The following GRID2IP variants were observed in gnomAD, a reference collection of about 807,000 sequenced individuals.
GRID2IP encodes the protein delphilin.
A neutral mutation model predicts 114.3 loss-of-function variants in GRID2IP; 78 were observed. The observed-to-expected ratio is 0.68, with a 90% confidence interval of 0.57 to 0.82. The LOEUF (loss-of-function observed/expected upper bound fraction) is 0.82. Ranked by LOEUF, GRID2IP falls within the 40% of genes least tolerant of loss-of-function variation. The probability of loss-of-function intolerance (pLI) is 0.00; values close to 1 mark genes in which losing one functional copy is unlikely to be tolerated. For synonymous variants in GRID2IP, 809 were observed against 724.0 expected (o/e 1.12, Z -1.89); for missense variants, 1,727 against 1,678.5 (o/e 1.03, Z -0.51).
In GRID2IP at chr7:6,526,512, C is replaced by G; in HGVS notation, c.833+9G>C. ...GCGCCCGCTGCCAGTGCCTGTGAGC[C>G]CCGCGTACCTGCGCGCGCCCCCGGG... On this transcript the variant is annotated intron_variant, in intron 3 of 21. Coordinates refer to ENST00000457091, the MANE Select transcript of GRID2IP (RefSeq NM_001145118.2). The surrounding 1 kb of genome is among the most constrained non-coding windows in gnomAD (Gnocchi z 7.6). 1 of 1,270,274 alleles carries G rather than the reference C, an allele frequency of 7.9e-7. No homozygotes were observed. The highest frequency in any genetic ancestry group is 9.9e-7 in the Non-Finnish European group (1 of 1,009,782). The allele number at this position is 1,270,274 out of a possible 1,614,324, so 78.7% of individuals were successfully genotyped here. A position where few individuals can be genotyped will look rare whatever the true frequency, so the allele number is the denominator to read the frequency against.
At chr7:6,537,908 G>A (rs1344056368) in intron 2 of GRID2IP, among the ~76,000 whole-genome samples, 4 of 152,034 alleles carry the variant, frequency 2.6e-5, no homozygotes, top group African/African-American at 9.7e-5. Flanking sequence ...GACCCTGCTC[G>A]TGGTCCTGTG....
chr7:6,531,775 T>A (rs1360189890), intron 2 of GRID2IP, among the ~76,000 whole-genome samples: 1 of 152,138 alleles, frequency 6.6e-6, no homozygotes, highest in Non-Finnish European at 1.5e-5. Context: ...GTTTCATGGT[T>A]CCAGGAGAGG....
chr7:6,544,955 C>T (rs1007181870), intron 1 of GRID2IP, among the ~76,000 whole-genome samples: 3 of 151,994 alleles, frequency 2.0e-5, no homozygotes, highest in African/African-American at 7.2e-5. Flanking sequence ...GGCGTGATGG[C>T]GGGCGCCTGT....
chr7:6,526,961 C>T lies in GRID2IP; in HGVS notation c.585-192G>A, dbSNP rs1411360808. 6.6e-6 allele frequency among the ~76,000 whole-genome samples: 1 copy of T among 152,172 alleles called. No homozygotes were observed. The highest frequency in any genetic ancestry group is 6.5e-5 in the Admixed American group (1 of 15,280). ...CTCCCCCTCGCTGCTCGGATTTGCGCCCCCAGCTAGGACTTGGCGTCCTGC... is the reference window on the plus strand; with the variant it reads ...CTCCCCCTCGCTGCTCGGATTTGCGTCCCCAGCTAGGACTTGGCGTCCTGC... On this transcript the variant is annotated intron_variant, in intron 2 of 21. Coordinates refer to ENST00000457091, the MANE Select transcript of GRID2IP (RefSeq NM_001145118.2). This position sits in a 1 kb window ranked among gnomAD's most constrained non-coding sequence, Gnocchi z 7.6.
At position 6,520,355 on chromosome 7, in the gene GRID2IP, C is replaced by G. The variant is rs964217573; in HGVS notation, c.1268+223G>C. Among the ~76,000 whole-genome samples, 6 of 152,096 alleles carry G rather than the reference C, an allele frequency of 3.9e-5. No homozygotes were observed. The highest frequency in any genetic ancestry group is 1.4e-4 in the African/African-American group (6 of 41,420). ...CCTCACTTCACAGAGAAGGCTGAGACTCGCCCAAGGTCACGTGACTAGGAG... is the reference window on the plus strand; with the variant it reads ...CCTCACTTCACAGAGAAGGCTGAGAGTCGCCCAAGGTCACGTGACTAGGAG... On this transcript the variant is annotated intron_variant, in intron 7 of 21. Transcript: ENST00000457091. This position sits in a 1 kb window ranked among gnomAD's most constrained non-coding sequence, Gnocchi z 4.6.
intron 7 of GRID2IP, among the ~76,000 whole-genome samples, chr7:6,514,780 C>A (rs1212410383): frequency 1.3e-5 from 2 of 151,710 alleles, no homozygotes; most frequent in African/African-American, 2.4e-5. Flanking sequence ...GGTGAAAGGC[C>A]GTCTCTACTG....
At chr7:6,515,286 AC>A (rs1357670319) in intron 7 of GRID2IP, among the ~76,000 whole-genome samples, 1 of 151,288 alleles carries the variant, frequency 6.6e-6, no homozygotes, top group African/African-American at 2.4e-5. Context: ...ACATAGTGAA[AC>A]CCCCTCTCTA....
Position 6,498,129 on chromosome 7 carries a change from C to A in GRID2IP, c.3499G>T (p.Asp1167Tyr). The A allele has an allele frequency of 1.3e-6, 2 of 1,551,700 alleles. No individual in the cohort carries two copies. Among genetic ancestry groups the A allele is most frequent in the Non-Finnish European group, 1.7e-6 (2 of 1,146,968 alleles). The change falls in exon 21 of 22, where the codon GAT becomes TAT. Residue 1167 changes from aspartate to tyrosine, a missense_variant. Asp to Tyr is a radical substitution (Grantham distance 160). Coordinates refer to ENST00000457091, the MANE Select transcript of GRID2IP (RefSeq NM_001145118.2). The stretch of plus-strand genomic sequence containing the variant: ...GCCTCAGAGGTGGTGGCCTTGGAAT[C>A]CTCCCCAAAGAAGGCCAGCGCCTTG... ...LGKALAFFGE[D>Y]SKATTSEAFF...
At chr7:6,514,842 C>A (rs1262573129) in intron 7 of GRID2IP, among the ~76,000 whole-genome samples, 1 of 151,612 alleles carries the variant, frequency 6.6e-6, no homozygotes, top group African/African-American at 2.4e-5. Context: ...ATCCCAGCTA[C>A]TCGGGAGGCT....
Position 6,544,909 on chromosome 7 carries a change from G to A in GRID2IP, c.430-5037C>T, listed in dbSNP as rs954917443. On this transcript the variant is annotated intron_variant, in intron 1 of 21. Transcript: ENST00000457091. The stretch of plus-strand genomic sequence containing the variant: ...ATCCCAACTGACACGGTGAAACCCC[G>A]TCTCTACTAAAAATAGAAAAAAAAT... 1.2e-4 allele frequency among the ~76,000 whole-genome samples: 18 copies of A among 151,812 alleles called. No homozygotes were observed. In the East Asian group the frequency reaches 1.8e-3, roughly 15 times the overall value.
At chr7:6,510,469 G>A in intron 10 of GRID2IP, 69 bp from the exon 11 acceptor site, 1 of 1,355,880 alleles carries the variant, frequency 7.4e-7, no homozygotes. Flanking sequence ...GTCCAGGCCT[G>A]GGTGGGCCGG....
Position 6,526,792 on chromosome 7 carries a change from C to T in GRID2IP, c.585-23G>A. On this transcript the variant is annotated intron_variant, in intron 2 of 21. Transcript: ENST00000457091. This position sits in a 1 kb window ranked among gnomAD's most constrained non-coding sequence, Gnocchi z 7.6. Reference sequence around the variant, plus strand: ...ATCCTGCCGGCGAGGACGGCGGAGTCGGGGCGCGTTCCCGGACCCCGGATC... The same window carrying T: ...ATCCTGCCGGCGAGGACGGCGGAGTTGGGGCGCGTTCCCGGACCCCGGATC... 2 of 1,489,466 alleles carry T rather than the reference C, an allele frequency of 1.3e-6. No homozygotes were observed. The highest frequency in any genetic ancestry group is 1.2e-5 in the South Asian group (1 of 80,252). The allele number at this position is 1,489,466 out of a possible 1,614,324, so 92.3% of individuals were successfully genotyped here.
In GRID2IP at chr7:6,508,492, G is replaced by A. The variant is rs1786663522; in HGVS notation, c.2128-91C>T. 6.5e-7 allele frequency: 1 copy of A among 1,528,856 alleles called. No homozygotes were observed. The highest frequency in any genetic ancestry group is 1.4e-5 in the African/African-American group (1 of 72,778). 94.7% of individuals were successfully genotyped at this position (1,528,856 alleles called of 1,614,324 possible). On this transcript the variant is annotated intron_variant, in intron 12 of 21. Coordinates refer to ENST00000457091, the MANE Select transcript of GRID2IP (RefSeq NM_001145118.2). This position sits in a 1 kb window ranked among gnomAD's most constrained non-coding sequence, Gnocchi z 5.6. ...AGTGAAGGATCATGGGATAGCCTGGGACAAGGACAGGGCCATCTCACGGGT... is the reference window on the plus strand; with the variant it reads ...AGTGAAGGATCATGGGATAGCCTGGAACAAGGACAGGGCCATCTCACGGGT...
intron 2 of GRID2IP, among the ~76,000 whole-genome samples, chr7:6,537,792 G>C (rs761353538): frequency 6.6e-6 from 1 of 152,106 alleles, no homozygotes; most frequent in Non-Finnish European, 1.5e-5. Flanking sequence ...AGATGTTGCA[G>C]TAAGCCAAGA....
Position 6,536,049 on chromosome 7 carries a change from G to C in GRID2IP, c.584+3669C>G, listed in dbSNP as rs1430600755. On this transcript the variant is annotated intron_variant, in intron 2 of 21. Transcript: ENST00000457091. The surrounding 1 kb of genome is among the most constrained non-coding windows in gnomAD (Gnocchi z 5.3). ...AACCCTGGGAATCACAGCTGCGTCT[G>C]TGGCTTCTCCATGCCCCCTCTGACC... Among the ~76,000 whole-genome samples the C allele has an allele frequency of 2.0e-5, 3 of 152,206 alleles. No individual in the cohort carries two copies. Among genetic ancestry groups the C allele is most frequent in the South Asian group, 2.1e-4 (1 of 4,834 alleles).
At chr7:6,522,087 C>A (rs1478472961) in intron 4 of GRID2IP, 130 bp from the exon 5 acceptor site, 2 of 688,952 alleles carry the variant, frequency 2.9e-6, no homozygotes, top group Non-Finnish European at 5.0e-6. Flanking sequence ...TGGTGGCTCA[C>A]ACCTGTAACC....
Position 6,519,118 on chromosome 7 carries a change from T to C in GRID2IP, c.1268+1460A>G, listed in dbSNP as rs1429316683. Among the ~76,000 whole-genome samples the C allele has an allele frequency of 6.6e-6, 1 of 151,982 alleles. No homozygotes were observed. The highest frequency in any genetic ancestry group is 1.5e-5 in the Non-Finnish European group (1 of 67,986). On this transcript the variant is annotated intron_variant, in intron 7 of 21. Coordinates refer to ENST00000457091, the MANE Select transcript of GRID2IP (RefSeq NM_001145118.2). The surrounding 1 kb of genome is among the most constrained non-coding windows in gnomAD (Gnocchi z 4.1). The stretch of plus-strand genomic sequence containing the variant: ...TTTTTGTAGAGATGGCTTCTTGCTC[T>C]GTTGCCCAGACTGGTTTTGAACTCC...
rs1318662558 is a variant in GRID2IP, at chr7:6,551,057, T to C, written c.380A>G (p.Asp127Gly). The change falls in exon 1 of 22, where the codon GAC (aspartate) becomes GGC (glycine). Residue 127 changes from aspartate (D) to glycine (G), a missense_variant. By Grantham distance (94) the Asp-to-Gly change is moderately conservative. Transcript: ENST00000457091. ...LLRLAGRKRP[D>G]AVHRERRRKA... ...GCGCCTGCGCTCTCGGTGCACCGCGTCCGGGCGCTTGCGGCCGGCCAGGCG... is the reference window on the plus strand; with the variant it reads ...GCGCCTGCGCTCTCGGTGCACCGCGCCCGGGCGCTTGCGGCCGGCCAGGCG... The C allele has an allele frequency of 7.7e-7, 1 of 1,304,506 alleles. No individual in the cohort carries two copies. The highest frequency in any genetic ancestry group is 9.7e-7 in the Non-Finnish European group (1 of 1,030,388). 80.8% of individuals were successfully genotyped at this position (1,304,506 alleles called of 1,614,324 possible).
rs1466345900 is a variant in GRID2IP, at chr7:6,510,623, G to A, written c.1639C>T (p.Pro547Ser). 1 of 1,535,936 alleles carries A rather than the reference G, an allele frequency of 6.5e-7. No homozygotes were observed. The change falls in exon 10 of 22, where the codon CCC becomes TCC. Residue 547 changes from proline (P) to serine (S), a missense_variant. Physicochemically the swap from Pro to Ser is moderately conservative, Grantham distance 74 (BLOSUM62 -1). Transcript: ENST00000457091. ...GAAGGTCTCACCATCTTGGGGTTGG[G>A]GGTCTCAGGGAGGGACGTGCCGTCG... ...AGDGTSLPET[P>S]NPKMMSAVYA...
Sources: allele counts gnomAD v4.1 joint callset (sites outside exome capture counted in the v4.1 genomes callset), GRCh38; gene constraint gnomAD v4.1.1; non-coding constraint Gnocchi (gnomAD v3.1); transcripts MANE v1.5; gene names NCBI Gene and HGNC (gene_info 2026-07-23, HGNC 2026-07-21).